Variants in SH3RF2 observed in about 807,000 individuals in gnomAD.
SH3RF2 encodes the protein E3 ubiquitin-protein ligase SH3RF2.
In SH3RF2, 43 loss-of-function variants were observed where a neutral mutation model predicts 59.0. The observed-to-expected ratio is 0.73, with a 90% CI of 0.57 to 0.94. The LOEUF is 0.94. Among genes scored for constraint, SH3RF2 ranks in the 40% least tolerant of loss-of-function variants. SH3RF2 has a pLI of 0.00. For missense variants in SH3RF2, 930 were observed against 940.1 expected (o/e 0.99, Z 0.14); for synonymous variants, 391 against 391.5 (o/e 1.00, Z 0.01).
chr5:146,055,753 C>A, intron 7 of SH3RF2: 1 of 573,790 alleles, frequency 1.7e-6, no homozygotes, highest in Non-Finnish European at 3.1e-6. Flanking sequence ...TGATATGAGC[C>A]CCCCTTCCTT....
chr5:145,944,337 CTTTTTTT>C (rs59087828), intron 2 of SH3RF2, among the ~76,000 whole-genome samples: 3 of 141,086 alleles, frequency 2.1e-5, no homozygotes, highest in African/African-American at 7.8e-5. Context: ...TTTCTTTTCC[CTTTTTTT>C]TTTTTTTTTT....
chr5:145,955,209 A>G (rs1470187736), intron 2 of SH3RF2, among the ~76,000 whole-genome samples: 1 of 152,188 alleles, frequency 6.6e-6, no homozygotes, highest in Non-Finnish European at 1.5e-5. Context: ...CAGTTCAAAA[A>G]CTGACCTGAT....
At chr5:146,072,735 T>C (rs1763264680) in intron 9 of SH3RF2, among the ~76,000 whole-genome samples, 1 of 152,174 alleles carries the variant, frequency 6.6e-6, no homozygotes, top group African/African-American at 2.4e-5. Flanking sequence ...TGCAGGTACC[T>C]AGTGAATCCC....
intron 2 of SH3RF2, among the ~76,000 whole-genome samples, chr5:145,951,008 A>C (rs902945674): frequency 1.3e-5 from 2 of 152,228 alleles, no homozygotes; most frequent in Non-Finnish European, 2.9e-5. Flanking sequence ...TATTCCAGCA[A>C]CCCAAATTTA....
intron 5 of SH3RF2, among the ~76,000 whole-genome samples, chr5:146,020,400 C>T (rs1341606942): frequency 1.3e-5 from 2 of 152,166 alleles, no homozygotes; most frequent in East Asian, 3.9e-4. Context: ...ACAATGCCTG[C>T]ATTATTCTGG....
At chr5:145,966,387 G>A (rs893294334) in intron 2 of SH3RF2, among the ~76,000 whole-genome samples, 7 of 152,152 alleles carry the variant, frequency 4.6e-5, no homozygotes, top group Non-Finnish European at 8.8e-5. Flanking sequence ...CTACATCCTG[G>A]GGTTGTGAGA....
At chr5:146,033,136 G>A (rs1761799182) in intron 5 of SH3RF2, among the ~76,000 whole-genome samples, 1 of 152,178 alleles carries the variant, frequency 6.6e-6, no homozygotes, top group African/African-American at 2.4e-5. Context: ...GATGATAATG[G>A]TATTTAGCCC....
At chr5:146,048,516 A>G (rs1157656634) in intron 6 of SH3RF2, among the ~76,000 whole-genome samples, 2 of 152,194 alleles carry the variant, frequency 1.3e-5, no homozygotes, top group Non-Finnish European at 2.9e-5. Flanking sequence ...AAATAAATAT[A>G]GCATTTTAGA....
chr5:146,075,806 AAG>A (rs1763330725), intron 9 of SH3RF2, among the ~76,000 whole-genome samples: 2 of 135,932 alleles, frequency 1.5e-5, no homozygotes, highest in Non-Finnish European at 3.1e-5. Flanking sequence ...AAAAAAAAAA[AAG>A]GATGAAAAAG....
chr5:146,064,620 AGAGAGAGAG>A (rs1763008043), downstream of SH3RF2, among the ~76,000 whole-genome samples: 1 of 123,322 alleles, frequency 8.1e-6, no homozygotes, highest in African/African-American at 3.1e-5. Flanking sequence ...AGAGAGGGAG[AGAGAGAGAG>A]GAGAGAGAGA....
At chr5:145,966,929 G>T (rs961737372) in intron 2 of SH3RF2, among the ~76,000 whole-genome samples, 6 of 152,070 alleles carry the variant, frequency 3.9e-5, no homozygotes, top group Non-Finnish European at 1.5e-5. Context: ...GGCTGAGGTG[G>T]GAGCATCGCT....
At chr5:146,050,839 TGAGG>T (rs1762469723) in intron 7 of SH3RF2, among the ~76,000 whole-genome samples, 1 of 152,180 alleles carries the variant, frequency 6.6e-6, no homozygotes, top group Non-Finnish European at 1.5e-5. Context: ...GATAGGTTGG[TGAGG>T]GATGGCTTTG....
chr5:146,001,041 A>G (rs1031374046), intron 3 of SH3RF2, among the ~76,000 whole-genome samples: 1 of 152,240 alleles, frequency 6.6e-6, no homozygotes, highest in Non-Finnish European at 1.5e-5. Context: ...GACACACACA[A>G]TAACATAATC....
chr5:146,047,912 ATCTTTACCATG>A, intron 6 of SH3RF2, 49 bp downstream of exon 6: 1 of 1,545,006 alleles, frequency 6.5e-7, no homozygotes. Flanking sequence ...CAAAGGGGTC[ATCTTTACCATG>A]TACAGTGGTG....
intron 2 of SH3RF2, among the ~76,000 whole-genome samples, chr5:145,982,497 C>T (rs576949982): frequency 6.6e-6 from 1 of 152,336 alleles, no homozygotes; most frequent in African/African-American, 2.4e-5. Context: ...GGAGCCTCCC[C>T]TGGTTCTTGA....
intron 4 of SH3RF2, among the ~76,000 whole-genome samples, chr5:146,012,109 A>G (rs1335059785): frequency 6.6e-6 from 1 of 152,170 alleles, no homozygotes; most frequent in Admixed American, 6.5e-5. Flanking sequence ...GAATTTTATC[A>G]AAGGCCTTTT....
chr5:146,046,241 A>G (rs372656857), intron 5 of SH3RF2, among the ~76,000 whole-genome samples: 3 of 152,200 alleles, frequency 2.0e-5, no homozygotes, highest in East Asian at 3.8e-4. Flanking sequence ...TCCATAGACC[A>G]CATGTGTGAA....
chr5:146,004,173 A>G lies in SH3RF2; in HGVS notation c.744+20A>G, dbSNP rs760774688. On this transcript the variant is annotated intron_variant, in intron 4 of 9. Transcript: ENST00000359120. ...GTAGAGGTACGTGAGTATCAAGTCT[A>G]CATCTGATTTACGCATACACAGAAA... 3 of 1,593,616 alleles carry G rather than the reference A, an allele frequency of 1.9e-6. No individual in the cohort carries two copies. The highest frequency in any genetic ancestry group is 2.6e-6 in the Non-Finnish European group (3 of 1,163,476).
intron 3 of SH3RF2, among the ~76,000 whole-genome samples, chr5:146,002,525 G>T (rs1580842798): frequency 6.8e-6 from 1 of 147,512 alleles, no homozygotes; most frequent in Non-Finnish European, 1.5e-5. Flanking sequence ...AGGAAGGAAG[G>T]AAGGAAGGAA....
Sources: gnomAD v4.1 joint callset for allele counts (sites outside exome capture counted in the v4.1 genomes callset) on GRCh38, gnomAD v4.1.1 for gene constraint, MANE v1.5 for transcripts, NCBI Gene and HGNC (gene_info 2026-07-23, HGNC 2026-07-21) for gene names.